HHAT: variants seen among roughly 807,000 people sequenced by gnomAD.
HHAT encodes the protein hedgehog acyltransferase, also known as protein-cysteine N-palmitoyltransferase HHAT.
In HHAT, 47 loss-of-function variants were observed where a neutral mutation model predicts 70.8. The ratio of observed to expected loss-of-function variants is 0.66; its 90% CI spans 0.53 to 0.85. The LOEUF is 0.85. Ranked by LOEUF, HHAT falls within the 40% of genes least tolerant of loss-of-function variation. HHAT has a pLI of 0.00. For missense variants in HHAT, 609 were observed against 604.8 expected, an observed-to-expected ratio of 1.01 and a Z score of -0.07; for synonymous variants, 228 against 247.6, an observed-to-expected ratio of 0.92 and a Z score of 0.74.
intron 7 of HHAT, among the ~76,000 whole-genome samples, chr1:210,450,478 AATT>A (rs1224494970): frequency 6.6e-6 from 1 of 151,924 alleles, no homozygotes; most frequent in East Asian, 1.9e-4. Flanking sequence ...AGGATTAAAA[AATT>A]ATTTTGTATC....
At chr1:210,331,249 T>TG (rs148202585) in intron 1 of HHAT, among the ~76,000 whole-genome samples, 17,209 of 151,862 alleles carry the variant, frequency 0.11, 1,327 homozygotes, top group African/African-American at 0.23. Flanking sequence ...CAGTCCCATC[T>TG]GGGGGGGTGT....
intron 9 of HHAT, among the ~76,000 whole-genome samples, chr1:210,516,059 G>A (rs1256198803): frequency 6.7e-6 from 1 of 148,500 alleles, no homozygotes; most frequent in East Asian, 2.0e-4. Flanking sequence ...GACAGAGTAA[G>A]ACTCTGTCTC....
At chr1:210,423,954 TTTTGAGGTC>T (rs1410588441) in intron 7 of HHAT, among the ~76,000 whole-genome samples, 1 of 152,206 alleles carries the variant, frequency 6.6e-6, no homozygotes, top group Admixed American at 6.5e-5. Flanking sequence ...TTGTAGTATA[TTTTGAGGTC>T]TGGCAGTGTT....
chr1:210,644,719 T>G (rs898311260), intron 11 of HHAT, among the ~76,000 whole-genome samples: 1 of 152,138 alleles, frequency 6.6e-6, no homozygotes, highest in Admixed American at 6.6e-5. Flanking sequence ...ATGTCTTCTT[T>G]TGGAAATTTA....
chr1:210,656,411 C>G (rs996075570), intron 11 of HHAT, among the ~76,000 whole-genome samples: 3 of 152,158 alleles, frequency 2.0e-5, no homozygotes, highest in South Asian at 4.1e-4. Flanking sequence ...ACATACCCCC[C>G]CCGTCCCCCT....
At chr1:210,419,005 C>G (rs1448185452) in intron 7 of HHAT, among the ~76,000 whole-genome samples, 1 of 151,568 alleles carries the variant, frequency 6.6e-6, no homozygotes, top group African/African-American at 2.4e-5. Flanking sequence ...CACACTCCAG[C>G]CTGGGTGACA....
intron 9 of HHAT, among the ~76,000 whole-genome samples, chr1:210,553,097 G>A (rs2095541223): frequency 6.6e-6 from 1 of 152,180 alleles, no homozygotes; most frequent in South Asian, 2.1e-4. Flanking sequence ...TCTTCTTGAT[G>A]TCATTCCAAC....
chr1:210,512,700 A>G lies in HHAT; in HGVS notation c.1008-453A>G, dbSNP rs115827507. 7.9e-3 allele frequency among the ~76,000 whole-genome samples: 1,182 copies of G among 149,388 alleles called. 15 individuals are homozygous for G. Among genetic ancestry groups the G allele is most frequent in the African/African-American group, 0.027 (1,094 of 40,544 alleles). On this transcript the variant is annotated intron_variant, in intron 8 of 11. Transcript: ENST00000261458. ...AAAAAAAAAAAAAAAACCCATATAT[A>G]TGTGTGTGTGTGTATATACATATAT...
intron 11 of HHAT, among the ~76,000 whole-genome samples, chr1:210,650,356 T>G (rs1674884001): frequency 6.6e-6 from 1 of 152,202 alleles, no homozygotes; most frequent in South Asian, 2.1e-4. Flanking sequence ...TTTCTGTGGC[T>G]GGGAGTTCTG....
intron 8 of HHAT, among the ~76,000 whole-genome samples, chr1:210,465,616 G>C (rs1044020776): frequency 6.6e-6 from 1 of 152,146 alleles, no homozygotes; most frequent in African/African-American, 2.4e-5. Flanking sequence ...GGGATCACAG[G>C]CTTATTCATT....
rs74451582 is a variant in HHAT, at chr1:210,563,490, T to G, written c.1044-24408T>G. ...GCACGATGGGGAGGGTTCTTCAACA[T>G]TGCGGTGGAGTGAAGTCCAGGGAGA... On this transcript the variant is annotated intron_variant, in intron 9 of 11. Transcript: ENST00000261458. Among the ~76,000 whole-genome samples, 23 of 152,132 alleles carry G rather than the reference T, an allele frequency of 1.5e-4. No homozygotes were observed. The East Asian group carries it at 4.5e-3, about 30-fold the overall frequency.
In HHAT at chr1:210,336,318, G is replaced by A. The variant is rs202066078; in HGVS notation, c.-44+7214G>A. On this transcript the variant is annotated intron_variant, in intron 1 of 11. Transcript: ENST00000261458. ...TTTTTTTTTTTTTTTTTTAGAGACA[G>A]GGTCTTACCATGTTGCCCAGGCTGG... Among the ~76,000 whole-genome samples the A allele has an allele frequency of 1.5e-4, 12 of 79,396 alleles. No individual in the cohort carries two copies. In the East Asian group the frequency reaches 2.7e-3, roughly 18 times the overall value. The allele number at this position is 79,396 out of a possible 152,430, so 52.1% of individuals were successfully genotyped here.
intron 8 of HHAT, among the ~76,000 whole-genome samples, chr1:210,495,051 G>A (rs1412338990): frequency 6.6e-6 from 1 of 152,026 alleles, no homozygotes; most frequent in African/African-American, 2.4e-5. Flanking sequence ...AAGGACCAAT[G>A]AGCCCTGTCT....
chr1:210,358,787 C>G (rs1184557331), intron 2 of HHAT, among the ~76,000 whole-genome samples: 1 of 152,114 alleles, frequency 6.6e-6, no homozygotes, highest in East Asian at 1.9e-4. Context: ...TATGTGTTTT[C>G]TTCTGATTAT....
chr1:210,481,209 G>T (rs964207063), intron 8 of HHAT, among the ~76,000 whole-genome samples: 1 of 152,124 alleles, frequency 6.6e-6, no homozygotes, highest in Non-Finnish European at 1.5e-5. Flanking sequence ...ATGACCACTG[G>T]GCCATTGCTT....
chr1:210,335,908 A>G (rs2085442093), intron 1 of HHAT, among the ~76,000 whole-genome samples: 1 of 125,408 alleles, frequency 8.0e-6, no homozygotes. Context: ...CAGTGATAAG[A>G]ATGAACAAAT....
chr1:210,518,056 A>T (rs374468077), intron 9 of HHAT, among the ~76,000 whole-genome samples: 1 of 152,196 alleles, frequency 6.6e-6, no homozygotes, highest in Non-Finnish European at 1.5e-5. Flanking sequence ...GTTAGTTAGC[A>T]TATTGGTCAT....
chr1:210,646,746 C>T (rs919705339), intron 11 of HHAT, among the ~76,000 whole-genome samples: 1 of 152,090 alleles, frequency 6.6e-6, no homozygotes, highest in Non-Finnish European at 1.5e-5. Flanking sequence ...AATTTTACTA[C>T]AGTATTAACT....
chr1:210,449,851 C>T lies in HHAT; in HGVS notation c.857-14654C>T, dbSNP rs147553636. 4.6e-5 allele frequency among the ~76,000 whole-genome samples: 7 copies of T among 152,278 alleles called. No homozygotes were observed. In the East Asian group the frequency reaches 1.4e-3, roughly 29 times the overall value. Reference sequence around the variant, plus strand: ...AGGTCTCCATAAAGAAATTTCTACTCGCTAATTCGCTCTCTAAATGTTGGG... The same window carrying T: ...AGGTCTCCATAAAGAAATTTCTACTTGCTAATTCGCTCTCTAAATGTTGGG... On this transcript the variant is annotated intron_variant, in intron 7 of 11. Coordinates refer to ENST00000261458, the MANE Select transcript of HHAT (RefSeq NM_018194.6).
Sources: gnomAD v4.1 joint callset for allele counts (sites outside exome capture counted in the v4.1 genomes callset) on GRCh38, gnomAD v4.1.1 for gene constraint, MANE v1.5 for transcripts, NCBI Gene and HGNC (gene_info 2026-07-23, HGNC 2026-07-21) for gene names.